Variants in ARK2N observed in about 807,000 individuals in gnomAD.
ARK2N encodes the protein arkadia (RNF111) N-terminal like PKA signaling regulator 2N, also known as protein ARK2N.
the ARK2N span, among the ~76,000 whole-genome samples, chr18:46,247,581 A>G: frequency 1.2e-4 from 18 of 152,232 alleles, 1 homozygote; most frequent in South Asian, 3.3e-3. Flanking sequence ...AATTTCATTT[A>G]TTTATTTTTA....
At chr18:46,174,020 T>A in the ARK2N span, 2 of 152,298 alleles carry the variant, frequency 1.3e-5, no homozygotes, top group East Asian at 3.9e-4. Context: ...GCGGGCTCTG[T>A]GTTTCCGGGC....
At chr18:46,259,071 C>T in the ARK2N span, among the ~76,000 whole-genome samples, 2 of 152,056 alleles carry the variant, frequency 1.3e-5, no homozygotes, top group Non-Finnish European at 2.9e-5. Flanking sequence ...TCTCCTAACT[C>T]CCATTTTATT....
the ARK2N span, among the ~76,000 whole-genome samples, chr18:46,234,386 C>T: frequency 1.3e-5 from 2 of 151,894 alleles, no homozygotes; most frequent in Non-Finnish European, 2.9e-5. Flanking sequence ...TTAGTAGAGA[C>T]GGGGGTTTCA....
the ARK2N span, among the ~76,000 whole-genome samples, chr18:46,258,537 A>G: frequency 0.01 from 1,551 of 152,196 alleles, 28 homozygotes; most frequent in African/African-American, 0.035. Flanking sequence ...ATCAAACCAT[A>G]TTATTTATAA....
chr18:46,200,065 A>AG, the ARK2N span, among the ~76,000 whole-genome samples: 6 of 140,410 alleles, frequency 4.3e-5, no homozygotes, highest in African/African-American at 1.8e-4. Context: ...AAAATTCTTT[A>AG]TTGTGTGTGT....
the ARK2N span, among the ~76,000 whole-genome samples, chr18:46,259,906 A>C: frequency 1.4e-4 from 3 of 22,124 alleles, 1 homozygote; most frequent in African/African-American, 1.0e-4. Context: ...TGTGCGACAG[A>C]GATGGGGTTT....
the ARK2N span, among the ~76,000 whole-genome samples, chr18:46,254,706 G>A: frequency 2.0e-5 from 3 of 152,082 alleles, no homozygotes; most frequent in African/African-American, 4.8e-5. Context: ...AAGTTGAATC[G>A]TTTCAACAAA....
chr18:46,200,194 A>G, the ARK2N span, among the ~76,000 whole-genome samples: 10 of 152,070 alleles, frequency 6.6e-5, no homozygotes, highest in African/African-American at 2.4e-4. Context: ...CACATTTGCT[A>G]TCTATCTAAT....
At chr18:46,178,994 C>T in the ARK2N span, among the ~76,000 whole-genome samples, 1 of 151,978 alleles carries the variant, frequency 6.6e-6, no homozygotes, top group Non-Finnish European at 1.5e-5. Context: ...CCAGGCTGAA[C>T]TGCAGTGTCA....
At chr18:46,252,498 T>A in the ARK2N span, among the ~76,000 whole-genome samples, 36 of 152,146 alleles carry the variant, frequency 2.4e-4, no homozygotes, top group Middle Eastern at 3.4e-3. Flanking sequence ...ATGGTCTTGA[T>A]CTCTTGACCT....
the ARK2N span, chr18:46,265,983 A>T: frequency 6.6e-6 from 1 of 152,340 alleles, no homozygotes; most frequent in Non-Finnish European, 1.5e-5. Context: ...TTGCATCATC[A>T]TGACTGCCAT....
chr18:46,249,396 A>AT, the ARK2N span, among the ~76,000 whole-genome samples: 14 of 149,658 alleles, frequency 9.4e-5, no homozygotes, highest in East Asian at 1.4e-3. Flanking sequence ...CGCCCGGCTA[A>AT]TTTTTTTTTG....
chr18:46,175,068 T>C, the ARK2N span, among the ~76,000 whole-genome samples: 6 of 152,168 alleles, frequency 3.9e-5, no homozygotes, highest in Non-Finnish European at 8.8e-5. Flanking sequence ...TGTTAAAGAC[T>C]ATCGCCTTTA....
chr18:46,253,826 AG>A, the ARK2N span: 2 of 1,602,676 alleles, frequency 1.2e-6, no homozygotes, highest in Non-Finnish European at 1.7e-6. Context: ...CATGCAAGGT[AG>A]GATACTAATT....
At chr18:46,194,331 G>A in the ARK2N span, among the ~76,000 whole-genome samples, 1 of 151,776 alleles carries the variant, frequency 6.6e-6, no homozygotes, top group Non-Finnish European at 1.5e-5. Flanking sequence ...CCAGGTGCGG[G>A]GGCTCACGCC....
chr18:46,184,723 TAACAAC>T, the ARK2N span, among the ~76,000 whole-genome samples: 734 of 151,996 alleles, frequency 4.8e-3, 9 homozygotes, highest in African/African-American at 0.016. Flanking sequence ...ACCCTGTCTC[TAACAAC>T]AACAACAACA....
chr18:46,252,287 T>A, the ARK2N span, among the ~76,000 whole-genome samples: 1 of 151,964 alleles, frequency 6.6e-6, no homozygotes, highest in African/African-American at 2.4e-5. Context: ...CTTTTCTTTT[T>A]TTTTTGAGAC....
the ARK2N span, among the ~76,000 whole-genome samples, chr18:46,200,100 G>T: frequency 6.6e-6 from 1 of 151,888 alleles, no homozygotes; most frequent in African/African-American, 2.4e-5. Context: ...GTGCGCGCGC[G>T]TGCTGGGGGC....
the ARK2N span, among the ~76,000 whole-genome samples, chr18:46,194,637 C>T: frequency 3.7e-4 from 56 of 150,500 alleles, no homozygotes; most frequent in African/African-American, 1.3e-3. Context: ...CCATGCCTGG[C>T]TAATTTTTTT....
Sources: allele counts gnomAD v4.1 joint callset (sites outside exome capture counted in the v4.1 genomes callset), GRCh38; gene constraint gnomAD v4.1.1; transcripts MANE v1.5; gene names NCBI Gene and HGNC (gene_info 2026-07-23, HGNC 2026-07-21).